The following NRG3 variants were observed in gnomAD, a reference collection of about 807,000 sequenced individuals.
The protein encoded by NRG3 is neuregulin 3.
Under a neutral mutation model 66.9 loss-of-function variants are expected in NRG3, and 31 were observed. The observed-to-expected ratio is 0.46, with a 90% CI of 0.35 to 0.63. The LOEUF is 0.63. Ranked by LOEUF, NRG3 falls within the 20% of genes least tolerant of loss-of-function variation. NRG3 has a pLI of 0.00. For missense variants in NRG3, 910 were observed against 878.9 expected, an observed-to-expected ratio of 1.04 and a Z score of -0.45; for synonymous variants, 393 against 359.4, an observed-to-expected ratio of 1.09 and a Z score of -1.06.
At chr10:82,570,744 A>G in intron 2 of NRG3, among the ~76,000 whole-genome samples, 1 of 151,680 alleles carries the variant, frequency 6.6e-6, no homozygotes, top group Admixed American at 6.6e-5. Flanking sequence ...GGTTTGATAT[A>G]TAGGGCTTGA....
At chr10:81,949,741 G>C (rs960169663) in intron 1 of NRG3, among the ~76,000 whole-genome samples, 1 of 152,190 alleles carries the variant, frequency 6.6e-6, no homozygotes, top group African/African-American at 2.4e-5. Flanking sequence ...CTATGTCTCT[G>C]AGGTGCCAAG....
chr10:82,471,490 A>G (rs1357907918), intron 2 of NRG3, among the ~76,000 whole-genome samples: 1 of 152,202 alleles, frequency 6.6e-6, no homozygotes, highest in East Asian at 1.9e-4. Context: ...CCCAGTTTAA[A>G]TGACATCTTC....
chr10:82,064,292 C>G (rs997960511), intron 1 of NRG3, among the ~76,000 whole-genome samples: 1 of 152,072 alleles, frequency 6.6e-6, no homozygotes, highest in Admixed American at 6.6e-5. Flanking sequence ...GTCCACCTCA[C>G]AGGGCTCTCA....
chr10:82,963,651 G>C (rs1850904411), intron 6 of NRG3, among the ~76,000 whole-genome samples: 1 of 152,156 alleles, frequency 6.6e-6, no homozygotes, highest in African/African-American at 2.4e-5. Context: ...CTGCACTCCA[G>C]CCTGGGTGAC....
chr10:82,696,965 G>A (rs942525843), intron 2 of NRG3, among the ~76,000 whole-genome samples: 8 of 152,150 alleles, frequency 5.3e-5, no homozygotes, highest in African/African-American at 1.9e-4. Flanking sequence ...CATACGTTAG[G>A]TACTTCTGTC....
At chr10:82,495,130 G>T (rs921946342) in intron 2 of NRG3, among the ~76,000 whole-genome samples, 7 of 151,980 alleles carry the variant, frequency 4.6e-5, no homozygotes, top group Middle Eastern at 3.4e-3. Flanking sequence ...TAATAGAGAT[G>T]GGGTTTCATC....
Position 82,004,403 on chromosome 10 carries a change from G to A in NRG3, c.823+128240G>A, listed in dbSNP as rs920034673. ...ACACAAGAGAGTGGGAAAACCAAAG[G>A]TGTAAAGTCCTTGAGCAGAGTGAAG... is the stretch of plus-strand genomic sequence containing the variant. On this transcript the variant is annotated intron_variant, in intron 1 of 8. Coordinates refer to ENST00000372141, the MANE Select transcript of NRG3 (RefSeq NM_001010848.4). Among the ~76,000 whole-genome samples, 22 of 152,098 alleles carry A rather than the reference G, an allele frequency of 1.4e-4. 1 individual carries two copies. The highest frequency in any genetic ancestry group is 4.1e-4 in the African/African-American group (17 of 41,398).
At chr10:82,044,001 C>T (rs536405949) in intron 1 of NRG3, among the ~76,000 whole-genome samples, 62 of 152,048 alleles carry the variant, frequency 4.1e-4, no homozygotes, top group African/African-American at 1.3e-3. Context: ...TTGTTTATTT[C>T]ATTTTTGGTG....
chr10:81,875,523 C>G lies in NRG3; in HGVS notation c.183C>G (p.Asn61Lys). ...ELRCSDCIVW[N>K]RQQTWLCVVP... ...GCTGTAGCGACTGCATCGTGTGGAA[C>G]CGGCAGCAGACGTGGCTGTGCGTGG... Residue 61 changes from asparagine (N) to lysine (K), a missense_variant, in exon 1 of 9, where the codon AAC becomes AAG. Physicochemically the swap from Asn to Lys is moderately conservative, Grantham distance 94 (BLOSUM62 0). Coordinates refer to ENST00000372141, the MANE Select transcript of NRG3 (RefSeq NM_001010848.4). This position sits in a 1 kb window ranked among gnomAD's most constrained non-coding sequence, Gnocchi z 5.3. 1.2e-6 allele frequency: 2 copies of G among 1,611,212 alleles called. No homozygotes were observed. Among genetic ancestry groups the G allele is most frequent in the African/African-American group, 1.3e-5 (1 of 74,976 alleles).
At chr10:82,853,584 T>C (rs1440379298) in intron 3 of NRG3, among the ~76,000 whole-genome samples, 1 of 152,166 alleles carries the variant, frequency 6.6e-6, no homozygotes, top group Admixed American at 6.5e-5. Flanking sequence ...GTTGAGTTTT[T>C]TATTTGATTG....
intron 4 of NRG3, among the ~76,000 whole-genome samples, chr10:82,941,995 TTG>T (rs3075660): frequency 0.57 from 84,842 of 148,242 alleles, 24,697 homozygotes; most frequent in East Asian, 0.8. Flanking sequence ...ACATATAGGT[TTG>T]TGTGTGTGTG....
chr10:82,155,464 A>G (rs1564616669), intron 1 of NRG3, among the ~76,000 whole-genome samples: 1 of 151,840 alleles, frequency 6.6e-6, no homozygotes, highest in Non-Finnish European at 1.5e-5. Context: ...TACTGTAATT[A>G]TGAAAGAGAC....
At chr10:81,977,962 ATGTAT>A (rs1330711919) in intron 1 of NRG3, among the ~76,000 whole-genome samples, 31 of 152,262 alleles carry the variant, frequency 2.0e-4, no homozygotes, top group Admixed American at 1.2e-3. Flanking sequence ...GTTTTGATAC[ATGTAT>A]TGTATCAGAT....
chr10:82,408,519 A>G (rs1441070677), intron 2 of NRG3, among the ~76,000 whole-genome samples: 2 of 151,938 alleles, frequency 1.3e-5, no homozygotes, highest in Non-Finnish European at 1.5e-5. Flanking sequence ...TAAATGGTTA[A>G]ATTTATAAAG....
chr10:82,194,631 A>G (rs1297751414), intron 1 of NRG3, among the ~76,000 whole-genome samples: 1 of 152,128 alleles, frequency 6.6e-6, no homozygotes, highest in African/African-American at 2.4e-5. Flanking sequence ...AGCTCACTAC[A>G]TGAGTCAGAC....
intron 1 of NRG3, among the ~76,000 whole-genome samples, chr10:82,195,209 C>A (rs12772014): frequency 0.49 from 75,070 of 151,908 alleles, 19,570 homozygotes; most frequent in Middle Eastern, 0.66. Flanking sequence ...CCCCAGAGGG[C>A]TAGATTGAAG....
intron 2 of NRG3, among the ~76,000 whole-genome samples, chr10:82,422,081 CT>C (rs1325523264): frequency 3.3e-5 from 5 of 152,038 alleles, no homozygotes; most frequent in Admixed American, 2.6e-4. Flanking sequence ...TACAGAGGAG[CT>C]TCACCTTGGC....
chr10:82,889,738 A>C (rs1387319178), intron 4 of NRG3, among the ~76,000 whole-genome samples: 1 of 152,198 alleles, frequency 6.6e-6, no homozygotes, highest in Admixed American at 6.5e-5. Context: ...AGTGATTCCC[A>C]TTCGTTGCCT....
At chr10:82,631,102 G>A (rs1451827126) in intron 2 of NRG3, among the ~76,000 whole-genome samples, 1 of 152,092 alleles carries the variant, frequency 6.6e-6, no homozygotes. Context: ...TTCAGGATGA[G>A]GTCTGGGAAT....
Sources: allele counts gnomAD v4.1 joint callset (sites outside exome capture counted in the v4.1 genomes callset), GRCh38; gene constraint gnomAD v4.1.1; non-coding constraint Gnocchi (gnomAD v3.1); transcripts MANE v1.5; gene names NCBI Gene and HGNC (gene_info 2026-07-23, HGNC 2026-07-21).